The following ZNF777 variants were observed in gnomAD, a reference collection of about 807,000 sequenced individuals.
The protein encoded by ZNF777 is zinc finger protein 777.
A neutral mutation model predicts 72.1 loss-of-function variants in ZNF777; 7 were observed. That is an observed-to-expected ratio of 0.10 (90% confidence interval 0.06 to 0.18). The LOEUF is 0.18. ZNF777 is among the 10% of genes least tolerant of loss of function. ZNF777 has a pLI of 1.00. For missense variants in ZNF777, 828 were observed against 1,128.6 expected, an observed-to-expected ratio of 0.73 and a Z score of 3.82; for synonymous variants, 545 against 483.5, an observed-to-expected ratio of 1.13 and a Z score of -1.67.
chr7:149,452,629 T>A (rs550767050), intron 3 of ZNF777, among the ~76,000 whole-genome samples: 1 of 133,820 alleles, frequency 7.5e-6, no homozygotes, highest in Non-Finnish European at 1.5e-5. Context: ...CGAGACTCTG[T>A]CTCAAAAAAA....
chr7:149,437,771 C>T (rs1799439035), intron 4 of ZNF777, among the ~76,000 whole-genome samples: 1 of 146,408 alleles, frequency 6.8e-6, no homozygotes, highest in Non-Finnish European at 1.5e-5. Flanking sequence ...TTATTCTAAA[C>T]AACACATACA....
At chr7:149,450,451 T>C (rs1038632712) in intron 4 of ZNF777, among the ~76,000 whole-genome samples, 1 of 152,190 alleles carries the variant, frequency 6.6e-6, no homozygotes, top group Admixed American at 6.5e-5. Flanking sequence ...CCACCCCCAG[T>C]AAGCAGAAAA....
At chr7:149,458,521 CAAAA>C (rs1322102208) in intron 1 of ZNF777, among the ~76,000 whole-genome samples, 9 of 151,944 alleles carry the variant, frequency 5.9e-5, no homozygotes, top group Admixed American at 5.9e-4. Flanking sequence ...CAAAACAAAA[CAAAA>C]CAAAACAAAA....
intron 4 of ZNF777, among the ~76,000 whole-genome samples, chr7:149,447,679 G>T (rs1467374633): frequency 1.3e-5 from 2 of 152,154 alleles, no homozygotes; most frequent in African/African-American, 4.8e-5. Context: ...CATCCCCCCT[G>T]CAGTGAGTTC....
intron 4 of ZNF777, among the ~76,000 whole-genome samples, chr7:149,449,909 GTC>G (rs1299468122): frequency 6.6e-6 from 1 of 152,172 alleles, no homozygotes; most frequent in East Asian, 1.9e-4. Context: ...ACAGGGTTCT[GTC>G]TCTCCCAGAA....
At chr7:149,441,429 A>G (rs902285927) in intron 4 of ZNF777, among the ~76,000 whole-genome samples, 9 of 152,252 alleles carry the variant, frequency 5.9e-5, no homozygotes, top group African/African-American at 2.2e-4. Context: ...AAGCTGAGGA[A>G]CAGGCTATCT....
In ZNF777 at chr7:149,454,250, A is replaced by AAT; in HGVS notation, c.847-15_847-14dup. 6.2e-7 allele frequency: 1 copy of AAT among 1,613,888 alleles called. No homozygotes were observed. The highest frequency in any genetic ancestry group is 1.1e-5 in the South Asian group (1 of 91,068). The stretch of plus-strand genomic sequence containing the variant: ...ATGTGACAGGGACCTGAAACCACAC[A>AAT]ATAACTCGGCTCAGACCCGCTGGAA... On this transcript the variant is annotated splice_polypyrimidine_tract_variant and intron_variant, in intron 2 of 5. Transcript: ENST00000247930.
chr7:149,433,923 T>C (rs1799368734), intron 5 of ZNF777, among the ~76,000 whole-genome samples: 1 of 152,266 alleles, frequency 6.6e-6, no homozygotes, highest in South Asian at 2.1e-4. Context: ...TCACCAGCTT[T>C]GTGTGACATA....
At chr7:149,459,562 G>A (rs1398716618) in intron 1 of ZNF777, 7 of 908,390 alleles carry the variant, frequency 7.7e-6, no homozygotes, top group Non-Finnish European at 9.2e-6. Flanking sequence ...CCTCACCCAG[G>A]GGCGGCCGCC....
At chr7:149,433,049 T>G (rs1025279928) in intron 5 of ZNF777, 117 bp from the exon 6 acceptor site, 44 of 1,387,196 alleles carry the variant, frequency 3.2e-5, no homozygotes, top group Non-Finnish European at 4.0e-5. Context: ...TGGCCCAAAT[T>G]CCTTCTTTTG....
At chr7:149,447,153 A>G (rs1799618240) in intron 4 of ZNF777, among the ~76,000 whole-genome samples, 1 of 152,172 alleles carries the variant, frequency 6.6e-6, no homozygotes, top group Admixed American at 6.5e-5. Context: ...TCCGGGCCCC[A>G]TCATGAACAA....
At position 149,432,162 on chromosome 7, in the gene ZNF777, T is replaced by G; in HGVS notation, c.2110A>C (p.Ser704Arg). The change falls in exon 6 of 6, where the codon AGC (serine) becomes CGC (arginine). Residue 704 changes from serine (S) to arginine (R), a missense_variant. Around this residue, in one of 12 missense-constraint regions of ZNF777, gnomAD observed 24 missense variants for 23.3 expected, o/e 1.03. Coordinates refer to ENST00000247930, the MANE Select transcript of ZNF777 (RefSeq NM_015694.3). ...FICSLCGKSF[S>R]RPSHLLRHQR... is the part of the protein sequence containing the mutation. Reference sequence around the variant, plus strand: ...TGGCGCAGCAGGTGCGAGGGGCGGCTGAAGCTCTTGCCGCACAGGCTGCAG... The same window carrying G: ...TGGCGCAGCAGGTGCGAGGGGCGGCGGAAGCTCTTGCCGCACAGGCTGCAG... 6.2e-7 allele frequency: 1 copy of G among 1,604,918 alleles called. No individual in the cohort carries two copies. Among genetic ancestry groups the G allele is most frequent in the Non-Finnish European group, 8.5e-7 (1 of 1,179,878 alleles).
intron 4 of ZNF777, among the ~76,000 whole-genome samples, chr7:149,445,400 C>T (rs1799585509): frequency 6.6e-6 from 1 of 152,172 alleles, no homozygotes. Flanking sequence ...TCCCCGGAGA[C>T]TTAAAAGGGG....
intron 4 of ZNF777, among the ~76,000 whole-genome samples, chr7:149,438,508 AG>A (rs1246284969): frequency 3.9e-5 from 6 of 152,252 alleles, no homozygotes; most frequent in African/African-American, 1.4e-4. Flanking sequence ...AATGTTTACT[AG>A]CAGACACTGA....
intron 4 of ZNF777, among the ~76,000 whole-genome samples, chr7:149,448,566 G>A (rs923640559): frequency 6.3e-5 from 5 of 79,400 alleles, no homozygotes; most frequent in African/African-American, 3.0e-4. Flanking sequence ...TAGTTATATA[G>A]TTATACATAT....
At position 149,451,070 on chromosome 7, in the gene ZNF777, C is replaced by A; in HGVS notation, c.1016G>T (p.Arg339Leu). The A allele has an allele frequency of 6.2e-7, 1 of 1,613,990 alleles. No homozygotes were observed. Among genetic ancestry groups the A allele is most frequent in the Non-Finnish European group, 8.5e-7 (1 of 1,180,036 alleles). Residue 339 changes from arginine to leucine, a missense_variant, in exon 4 of 6, where the codon CGC becomes CTC. Around this residue, in one of 12 missense-constraint regions of ZNF777, gnomAD observed 73 missense variants for 90.6 expected, o/e 0.81. Transcript: ENST00000247930. ...CTCCTGCATGGTGGGCCGCTCCCCG[C>A]GCTCCATCTGTGACATGAGGTCTGG... is the stretch of plus-strand genomic sequence containing the variant. Reference protein sequence around the residue: ...SKPDLMSQMERGERPTMQEQE... With the variant: ...SKPDLMSQMELGERPTMQEQE...
At chr7:149,442,109 CGG>C (rs752518679) in intron 4 of ZNF777, among the ~76,000 whole-genome samples, 1 of 149,814 alleles carries the variant, frequency 6.7e-6, no homozygotes, top group African/African-American at 2.5e-5. Flanking sequence ...CCCAGCTACT[CGG>C]GAGGCTAAGG....
chr7:149,450,812 C>A (rs1799698486), intron 4 of ZNF777, among the ~76,000 whole-genome samples, 187 bp downstream of exon 4: 4 of 152,186 alleles, frequency 2.6e-5, no homozygotes. Flanking sequence ...CAACGGCATT[C>A]CCATTAATCA....
At chr7:149,458,270 T>C (rs1799870517) in intron 1 of ZNF777, among the ~76,000 whole-genome samples, 1 of 152,146 alleles carries the variant, frequency 6.6e-6, no homozygotes, top group South Asian at 2.1e-4. Flanking sequence ...CATCAACAGC[T>C]AAGCCACCTC....
Sources: allele counts gnomAD v4.1 joint callset (sites outside exome capture counted in the v4.1 genomes callset), GRCh38; gene constraint gnomAD v4.1.1; regional missense constraint gnomAD v4.1.1; transcripts MANE v1.5; gene names NCBI Gene and HGNC (gene_info 2026-07-23, HGNC 2026-07-21).